Variants in EYS observed in about 807,000 individuals in gnomAD.
EYS encodes protein eyes shut homolog.
A neutral mutation model predicts 282.1 loss-of-function variants in EYS; 250 were observed. The observed-to-expected ratio is 0.89, with a 90% CI of 0.80 to 0.98. The LOEUF (loss-of-function observed/expected upper bound fraction) is 0.98. EYS is among the 50% of genes least tolerant of loss of function. The probability of loss-of-function intolerance (pLI) is 0.00; values close to 1 mark genes in which losing one functional copy is unlikely to be tolerated. For missense variants in EYS, 4,016 were observed against 3,709.0 expected, an observed-to-expected ratio of 1.08 and a Z score of -2.15; for synonymous variants, 1,355 against 1,282.9, an observed-to-expected ratio of 1.06 and a Z score of -1.20.
At chr6:63,879,725 T>C (rs1033471738) in intron 35 of EYS, among the ~76,000 whole-genome samples, 1 of 152,224 alleles carries the variant, frequency 6.6e-6, no homozygotes, top group Non-Finnish European at 1.5e-5. Flanking sequence ...GAAGGAAAGC[T>C]GACTGAGTAG....
intron 41 of EYS, among the ~76,000 whole-genome samples, chr6:63,756,865 T>G (rs971064021): frequency 6.6e-5 from 10 of 152,184 alleles, no homozygotes; most frequent in African/African-American, 2.2e-4. Context: ...TTAATACTTT[T>G]ATAATTTCTT....
At chr6:64,603,439 T>C (rs1726478593) in intron 24 of EYS, among the ~76,000 whole-genome samples, 1 of 151,998 alleles carries the variant, frequency 6.6e-6, no homozygotes, top group Admixed American at 6.6e-5. Context: ...AAAACCTCTG[T>C]TGCCTCCCAA....
chr6:65,257,681 G>A (rs1178310353), intron 12 of EYS, among the ~76,000 whole-genome samples: 1 of 151,874 alleles, frequency 6.6e-6, no homozygotes, highest in Non-Finnish European at 1.5e-5. Flanking sequence ...TAGCCTTGTA[G>A]TATAGTTTGA....
chr6:64,927,466 G>A (rs910875340), intron 15 of EYS, among the ~76,000 whole-genome samples: 1 of 152,080 alleles, frequency 6.6e-6, no homozygotes, highest in Non-Finnish European at 1.5e-5. Context: ...TCTATAGACT[G>A]AAACAATTTA....
At chr6:64,099,517 A>C (rs1214781169) in intron 31 of EYS, among the ~76,000 whole-genome samples, 1 of 152,172 alleles carries the variant, frequency 6.6e-6, no homozygotes, top group East Asian at 1.9e-4. Context: ...ATCACAATTC[A>C]ATCTATGAGG....
intron 14 of EYS, among the ~76,000 whole-genome samples, chr6:64,965,907 C>T (rs1040269250): frequency 6.6e-6 from 1 of 151,632 alleles, no homozygotes; most frequent in Non-Finnish European, 1.5e-5. Context: ...TAAAAGGCAG[C>T]GACTTTAAGA....
intron 5 of EYS, among the ~76,000 whole-genome samples, chr6:65,438,380 G>A (rs1289418795): frequency 2.0e-5 from 3 of 152,124 alleles, no homozygotes; most frequent in Non-Finnish European, 2.9e-5. Context: ...CCAGTAACGG[G>A]ATGGCTGGGT....
intron 33 of EYS, among the ~76,000 whole-genome samples, chr6:64,038,808 C>CT (rs1251823595): frequency 2.8e-3 from 413 of 145,786 alleles, no homozygotes; most frequent in African/African-American, 8.5e-3. Context: ...TTCTTTCTTT[C>CT]TTTTTTTTTT....
chr6:64,769,500 G>A (rs1487750079), intron 22 of EYS, among the ~76,000 whole-genome samples: 1 of 151,960 alleles, frequency 6.6e-6, no homozygotes, highest in African/African-American at 2.4e-5. Context: ...ACTATTGCTA[G>A]CTCACGAGCA....
rs375179537 is a variant in EYS, at chr6:65,330,011, A to C, written c.1766+4969T>G. 8.1e-6 allele frequency: 8 copies of C among 984,342 alleles called. No individual in the cohort carries two copies. The African/African-American group carries it at 1.0e-4, about 13-fold the overall frequency. 61.0% of individuals were successfully genotyped at this position (984,342 alleles called of 1,614,324 possible). Reference sequence around the variant, plus strand: ...AATAGCCTGTAAAGGAAACAGGTTAAATTTAAAACTTCCAGAAAGAAAGCC... The same window carrying C: ...AATAGCCTGTAAAGGAAACAGGTTACATTTAAAACTTCCAGAAAGAAAGCC... On this transcript the variant is annotated intron_variant, in intron 11 of 42. Coordinates refer to ENST00000503581, the MANE Select transcript of EYS (RefSeq NM_001142800.2).
At chr6:65,313,077 C>G (rs989176956) in intron 11 of EYS, among the ~76,000 whole-genome samples, 1 of 152,144 alleles carries the variant, frequency 6.6e-6, no homozygotes, top group Admixed American at 6.5e-5. Context: ...TTTCCTCACA[C>G]CTCTTAAAGA....
chr6:64,355,368 T>A (rs1387774239), intron 29 of EYS, among the ~76,000 whole-genome samples: 1 of 151,546 alleles, frequency 6.6e-6, no homozygotes, highest in African/African-American at 2.4e-5. Context: ...ATCATCTACC[T>A]CACAGGGTTC....
chr6:65,147,791 C>T (rs913810638), intron 12 of EYS, among the ~76,000 whole-genome samples: 3 of 151,976 alleles, frequency 2.0e-5, no homozygotes, highest in African/African-American at 7.2e-5. Context: ...TTTAATTGAC[C>T]CACAGTTCCG....
intron 22 of EYS, among the ~76,000 whole-genome samples, chr6:64,783,762 G>T (rs1475177908): frequency 6.6e-6 from 1 of 152,060 alleles, no homozygotes; most frequent in Non-Finnish European, 1.5e-5. Context: ...CTTGAAGACT[G>T]TCAGCAAATT....
At chr6:65,688,696 A>G (rs1234592672) in intron 1 of EYS, among the ~76,000 whole-genome samples, 1 of 152,206 alleles carries the variant, frequency 6.6e-6, no homozygotes, top group Non-Finnish European at 1.5e-5. Context: ...AAACAACCCC[A>G]TCAACAAGTG....
intron 30 of EYS, among the ~76,000 whole-genome samples, chr6:64,238,602 C>T (rs1766688357): frequency 6.6e-6 from 1 of 152,096 alleles, no homozygotes; most frequent in South Asian, 2.1e-4. Context: ...GCCTTGCATA[C>T]CCATAGCTAA....
At chr6:64,073,313 A>G (rs1157667451) in intron 32 of EYS, among the ~76,000 whole-genome samples, 1 of 151,830 alleles carries the variant, frequency 6.6e-6, no homozygotes, top group East Asian at 1.9e-4. Context: ...AGGATCTGAC[A>G]CTACTGATGT....
rs1488025181 is a variant in EYS, at chr6:64,822,696, T to A, written c.3119A>T (p.Glu1040Val). The A allele has an allele frequency of 1.9e-6, 3 of 1,548,292 alleles. No individual in the cohort carries two copies. The South Asian group carries it at 3.6e-5, about 19-fold the overall frequency. The change falls in exon 20 of 43, where the codon GAA becomes GTA. Residue 1040 changes from glutamate (E) to valine (V), a missense_variant. Transcript: ENST00000503581. ...CKSGFFGTHC[E>V]TNANDCLSNP... ...TGAAAGGCAATCATTGGCGTTTGTTTCACAGTGTGTTCCAAAAAACCCACT... is the reference window on the plus strand; with the variant it reads ...TGAAAGGCAATCATTGGCGTTTGTTACACAGTGTGTTCCAAAAAACCCACT...
chr6:65,425,832 C>G (rs1310932608), intron 5 of EYS, among the ~76,000 whole-genome samples: 2 of 152,052 alleles, frequency 1.3e-5, no homozygotes, highest in Admixed American at 6.6e-5. Flanking sequence ...CACTTTATGG[C>G]TTTATGATGA....
Sources: gnomAD v4.1 joint callset for allele counts (sites outside exome capture counted in the v4.1 genomes callset) on GRCh38, gnomAD v4.1.1 for gene constraint, MANE v1.5 for transcripts, NCBI Gene and HGNC (gene_info 2026-07-23, HGNC 2026-07-21) for gene names.